RCAN1: variants seen among roughly 807,000 people sequenced by gnomAD.
The protein encoded by RCAN1 is calcipressin-1.
RCAN1 carries 11 observed loss-of-function variants against 22.9 expected under a neutral mutation model. That is an observed-to-expected ratio of 0.48 (90% CI 0.30 to 0.79). The LOEUF is 0.79. RCAN1 is among the 30% of genes least tolerant of loss of function. The pLI, the probability that RCAN1 is intolerant of heterozygous loss-of-function variation, is 0.06. For missense variants in RCAN1, 291 were observed against 337.8 expected (o/e 0.86, Z 1.09); for synonymous variants, 136 against 142.3 (o/e 0.96, Z 0.32).
intron 1 of RCAN1, among the ~76,000 whole-genome samples, chr21:34,584,876 C>T (rs1375540144): frequency 3.3e-5 from 5 of 152,200 alleles, no homozygotes; most frequent in East Asian, 3.8e-4. Flanking sequence ...ACACTAACCA[C>T]CCGTCCTTAA....
At chr21:34,583,268 T>A (rs1987683973) in intron 1 of RCAN1, among the ~76,000 whole-genome samples, 1 of 147,300 alleles carries the variant, frequency 6.8e-6, no homozygotes, top group Admixed American at 6.9e-5. Context: ...AACCTCTGCC[T>A]CCTGGGTTCA....
chr21:34,605,674 C>G (rs1601223212), intron 1 of RCAN1, among the ~76,000 whole-genome samples: 1 of 152,192 alleles, frequency 6.6e-6, no homozygotes, highest in Non-Finnish European at 1.5e-5. Flanking sequence ...GTAATCCCAG[C>G]ACTTTGGGAG....
At chr21:34,558,543 T>A (rs1265923213) in intron 1 of RCAN1, among the ~76,000 whole-genome samples, 1 of 152,270 alleles carries the variant, frequency 6.6e-6, no homozygotes, top group Non-Finnish European at 1.5e-5. Context: ...TAGACACTGA[T>A]TCCTCAAATG....
chr21:34,600,313 C>T (rs897967622), intron 1 of RCAN1, among the ~76,000 whole-genome samples: 9 of 152,222 alleles, frequency 5.9e-5, no homozygotes, highest in African/African-American at 2.2e-4. Context: ...TAGGAACCAT[C>T]ACAAGTTGAT....
At chr21:34,586,778 C>A (rs1309091744) in intron 1 of RCAN1, among the ~76,000 whole-genome samples, 1 of 152,082 alleles carries the variant, frequency 6.6e-6, no homozygotes, top group Non-Finnish European at 1.5e-5. Context: ...CATGGCGAAA[C>A]CCTGTCTCTA....
At chr21:34,556,096 A>ATAAT (rs1986559649) in intron 1 of RCAN1, among the ~76,000 whole-genome samples, 1 of 70,478 alleles carries the variant, frequency 1.4e-5, no homozygotes, top group African/African-American at 5.7e-5. Flanking sequence ...AAATAAATAA[A>ATAAT]TAATTAAAGG....
chr21:34,576,291 C>A (rs1266505577), intron 1 of RCAN1, among the ~76,000 whole-genome samples: 2 of 152,208 alleles, frequency 1.3e-5, no homozygotes, highest in Non-Finnish European at 1.5e-5. Context: ...CAGGTTCGTA[C>A]CTGCACCACC....
intron 1 of RCAN1, chr21:34,526,806 T>G: frequency 3.8e-6 from 6 of 1,567,440 alleles, no homozygotes; most frequent in Non-Finnish European, 4.3e-6. Flanking sequence ...CCTAGTGAGA[T>G]TCCTTTCCAA....
rs1568879368 is a variant in RCAN1 at position 34,521,519 on chromosome 21, G to C, written c.566C>G (p.Ala189Gly). ...TPVINYDLLY[A>G]ISKLGPGEKY... ...CTCACCTGGCCCCAGCTTGGAGATGGCATATAAGAGATCATAGTTTATGAC... is the reference window on the plus strand; with the variant it reads ...CTCACCTGGCCCCAGCTTGGAGATGCCATATAAGAGATCATAGTTTATGAC... Residue 189 changes from alanine (A) to glycine (G), a missense_variant, in exon 3 of 4, where the codon GCC (alanine) becomes GGC (glycine). By Grantham distance (60) the Ala-to-Gly change is moderately conservative (BLOSUM62 0). Coordinates refer to ENST00000313806, the MANE Select transcript of RCAN1 (RefSeq NM_004414.7). 1 of 1,614,080 alleles carries C rather than the reference G, an allele frequency of 6.2e-7. No individual in the cohort carries two copies. The highest frequency in any genetic ancestry group is 8.5e-7 in the Non-Finnish European group (1 of 1,180,050).
intron 1 of RCAN1, among the ~76,000 whole-genome samples, chr21:34,548,739 T>C: frequency 6.6e-6 from 1 of 152,334 alleles, no homozygotes; most frequent in South Asian, 2.1e-4. Context: ...GCTATTAACT[T>C]CTACATCTGT....
rs1205152274 is a variant in RCAN1 at position 34,523,520 on chromosome 21, C to T, written c.426+17G>A. 5 of 1,612,520 alleles carry T rather than the reference C, an allele frequency of 3.1e-6. No homozygotes were observed. Among genetic ancestry groups the T allele is most frequent in the Non-Finnish European group, 3.4e-6 (4 of 1,179,154 alleles). ...AGGGAGGAGGGAGAAGCATGCATAG[C>T]AATGAACCCAACTCACCTGAGCAAA... On this transcript the variant is annotated intron_variant, in intron 2 of 3. Transcript: ENST00000313806.
In RCAN1 at chr21:34,548,326, A is replaced by G. The variant is rs8132305; in HGVS notation, c.253-24616T>C. Among the ~76,000 whole-genome samples, 635 of 152,128 alleles carry G rather than the reference A, an allele frequency of 4.2e-3. 6 individuals carry two copies. Among genetic ancestry groups the G allele is most frequent in the African/African-American group, 0.015 (608 of 41,538 alleles). On this transcript the variant is annotated intron_variant, in intron 1 of 3. Transcript: ENST00000313806. The stretch of plus-strand genomic sequence containing the variant: ...TTTTGCTTTCAAAGTTACATATGAA[A>G]TTTTTTTTGCATGGCTAGATATGTG...
intron 1 of RCAN1, among the ~76,000 whole-genome samples, chr21:34,558,476 T>C (rs919424693): frequency 2.6e-5 from 4 of 152,126 alleles, no homozygotes; most frequent in Non-Finnish European, 5.9e-5. Flanking sequence ...GGAAAGGAAA[T>C]GATCAAGAAG....
intron 1 of RCAN1, among the ~76,000 whole-genome samples, chr21:34,567,838 C>A (rs1020747420): frequency 6.6e-6 from 1 of 152,142 alleles, no homozygotes; most frequent in Non-Finnish European, 1.5e-5. Flanking sequence ...GTTGGAGCCA[C>A]GAGGCTTGCT....
At chr21:34,579,117 G>A (rs938333012) in intron 1 of RCAN1, among the ~76,000 whole-genome samples, 2 of 152,176 alleles carry the variant, frequency 1.3e-5, no homozygotes, top group African/African-American at 2.4e-5. Context: ...TGTTATGGCC[G>A]GGCGCGGTGG....
intron 1 of RCAN1, among the ~76,000 whole-genome samples, chr21:34,598,862 G>A (rs1411842820): frequency 6.9e-6 from 1 of 145,002 alleles, no homozygotes; most frequent in Non-Finnish European, 1.5e-5. Context: ...AGTTTATAGA[G>A]GAAAAAAAGC....
chr21:34,537,717 C>T (rs909513795), intron 1 of RCAN1, among the ~76,000 whole-genome samples: 15 of 152,232 alleles, frequency 9.9e-5, no homozygotes, highest in Admixed American at 3.9e-4. Flanking sequence ...AGGTGCCAGG[C>T]GTACAGGCAG....
intron 1 of RCAN1, among the ~76,000 whole-genome samples, chr21:34,553,928 T>C (rs2834532): frequency 0.12 from 18,213 of 152,236 alleles, 1,095 homozygotes; most frequent in Middle Eastern, 0.16. Context: ...GGCATGTCAT[T>C]ACACCTTACT....
rs560986548 is a variant in RCAN1 at position 34,596,669 on chromosome 21, C to T, written c.252+18091G>A. ...CTTCTTTTAGAAGCACTGGAAAATA[C>T]ATTCGAACCGGGATGGGCATTTCCT... On this transcript the variant is annotated intron_variant, in intron 1 of 3. Transcript: ENST00000313806. Among the ~76,000 whole-genome samples the T allele has an allele frequency of 2.0e-5, 3 of 152,330 alleles. No homozygotes were observed. The East Asian group carries it at 5.8e-4, about 29-fold the overall frequency.
Sources: gnomAD v4.1 joint callset for allele counts (sites outside exome capture counted in the v4.1 genomes callset) on GRCh38, gnomAD v4.1.1 for gene constraint, MANE v1.5 for transcripts, NCBI Gene and HGNC (gene_info 2026-07-23, HGNC 2026-07-21) for gene names.